The following IGFBP4 variants were observed in gnomAD, a reference collection of about 807,000 sequenced individuals.
IGFBP4 encodes the protein insulin-like growth factor-binding protein 4.
IGFBP4 carries 9 observed loss-of-function variants against 25.8 expected under a neutral mutation model. The observed-to-expected ratio is 0.35, with a 90% CI of 0.21 to 0.61. The LOEUF (loss-of-function observed/expected upper bound fraction) is 0.61, where lower values mean the gene tolerates loss of function less well. Ranked by LOEUF, IGFBP4 falls within the 20% of genes least tolerant of loss-of-function variation. IGFBP4 has a pLI of 0.77. For missense variants in IGFBP4, 315 were observed against 365.3 expected (o/e 0.86, Z 1.12); for synonymous variants, 153 against 153.9 (o/e 0.99, Z 0.05).
In IGFBP4 at chr17:40,456,671, T is replaced by A; in HGVS notation, c.*88T>A. 1 of 1,350,768 alleles carries A rather than the reference T, an allele frequency of 7.4e-7. No individual in the cohort carries two copies. Among genetic ancestry groups the A allele is most frequent in the Non-Finnish European group, 1.0e-6 (1 of 981,500 alleles). The allele number at this position is 1,350,768 out of a possible 1,614,324, so 83.7% of individuals were successfully genotyped here. Reference sequence around the variant, plus strand: ...GCTGACCCAGAGTGGAGTCTGAGTCTGAGTCCTGTCTCTGCCTGCGGCCCA... The same window carrying A: ...GCTGACCCAGAGTGGAGTCTGAGTCAGAGTCCTGTCTCTGCCTGCGGCCCA... On this transcript the variant is annotated 3_prime_UTR_variant, in exon 4 of 4. Coordinates refer to ENST00000269593, the MANE Select transcript of IGFBP4 (RefSeq NM_001552.3).
chr17:40,449,748 CAAA>C (rs569072173), intron 1 of IGFBP4, among the ~76,000 whole-genome samples: 2 of 95,434 alleles, frequency 2.1e-5, no homozygotes, highest in Non-Finnish European at 2.2e-5. Flanking sequence ...GACTCCGTCT[CAAA>C]AAAAAAAAAA....
chr17:40,454,529 G>A (rs118067749), intron 3 of IGFBP4, among the ~76,000 whole-genome samples: 193 of 152,338 alleles, frequency 1.3e-3, no homozygotes, highest in Non-Finnish European at 2.2e-3. Flanking sequence ...ACCCCTCCCT[G>A]CAAGGCGAGT....
At chr17:40,444,215 G>C (rs2035627866) in intron 1 of IGFBP4, 131 bp downstream of exon 1, 2 of 724,358 alleles carry the variant, frequency 2.8e-6, no homozygotes, top group Non-Finnish European at 4.6e-6. Flanking sequence ...GTACGTGGCA[G>C]GGCCCGACTG....
chr17:40,449,632 C>T (rs2035670879), intron 1 of IGFBP4, among the ~76,000 whole-genome samples: 1 of 151,982 alleles, frequency 6.6e-6, no homozygotes, highest in African/African-American at 2.4e-5. Flanking sequence ...GCCTGTAGTC[C>T]CAGCTACTTG....
chr17:40,447,464 G>T (rs2035655403), intron 1 of IGFBP4, among the ~76,000 whole-genome samples: 2 of 152,200 alleles, frequency 1.3e-5, no homozygotes, highest in South Asian at 2.1e-4. Flanking sequence ...AGGCAGGCTG[G>T]GTTAATTTTT....
intron 3 of IGFBP4, among the ~76,000 whole-genome samples, chr17:40,456,048 C>T (rs1449786607): frequency 2.6e-5 from 4 of 152,172 alleles, no homozygotes; most frequent in Non-Finnish European, 5.9e-5. Context: ...AGTCATATTT[C>T]CTCATTCAAC....
At chr17:40,451,907 G>A (rs2035685447) in intron 1 of IGFBP4, among the ~76,000 whole-genome samples, 1 of 152,138 alleles carries the variant, frequency 6.6e-6, no homozygotes, top group Non-Finnish European at 1.5e-5. Flanking sequence ...TGTGATCATA[G>A]CTCACTGTTA....
chr17:40,445,081 T>C (rs2035637099), intron 1 of IGFBP4, among the ~76,000 whole-genome samples: 1 of 152,190 alleles, frequency 6.6e-6, no homozygotes, highest in African/African-American at 2.4e-5. Flanking sequence ...CTTCTTTCTC[T>C]TGCTCTTTTG....
chr17:40,450,518 AT>A (rs35661038), intron 1 of IGFBP4, among the ~76,000 whole-genome samples: 22 of 149,170 alleles, frequency 1.5e-4, no homozygotes, highest in South Asian at 4.3e-4. Context: ...TAATTCTTGA[AT>A]TTTTTTTTTG....
In IGFBP4 at chr17:40,456,578, G is replaced by C. The variant is rs1400143869; in HGVS notation, c.772G>C (p.Glu258Gln). Residue 258 changes from glutamate to glutamine, a missense_variant, in exon 4 of 4, where the codon GAG becomes CAG. By Grantham distance (29) the Glu-to-Gln change is conservative. Transcript: ENST00000269593. ...DCHQLADSFR[E>Q] ...CCACCAGCTGGCTGACAGCTTTCGA[G>C]AGTGAGGCCTGCCAGCAGGCCAGGG... 6.2e-7 allele frequency: 1 copy of C among 1,612,402 alleles called. No individual in the cohort carries two copies. Among genetic ancestry groups the C allele is most frequent in the Non-Finnish European group, 8.5e-7 (1 of 1,179,580 alleles).
At chr17:40,455,764 T>G (rs1323868149) in intron 3 of IGFBP4, among the ~76,000 whole-genome samples, 1 of 152,200 alleles carries the variant, frequency 6.6e-6, no homozygotes, top group Non-Finnish European at 1.5e-5. Flanking sequence ...ATTACAGGCT[T>G]GAGCCACTAG....
At chr17:40,454,102 C>T in intron 3 of IGFBP4, 40 bp downstream of exon 3, 3 of 1,589,860 alleles carry the variant, frequency 1.9e-6, no homozygotes, top group Non-Finnish European at 2.6e-6. Flanking sequence ...CTGGACTCAG[C>T]TCTGGGGCAT....
intron 1 of IGFBP4, among the ~76,000 whole-genome samples, chr17:40,452,270 G>A (rs764495212): frequency 3.3e-5 from 5 of 152,212 alleles, no homozygotes. Context: ...GACTTTGGAT[G>A]GAGTCTGAAG....
chr17:40,444,724 G>A (rs891609427), intron 1 of IGFBP4, among the ~76,000 whole-genome samples: 1 of 152,086 alleles, frequency 6.6e-6, no homozygotes, highest in African/African-American at 2.4e-5. Context: ...TGGTATACAG[G>A]CCCCCTGTTC....
At chr17:40,454,880 T>C (rs1272381013) in intron 3 of IGFBP4, among the ~76,000 whole-genome samples, 1 of 152,176 alleles carries the variant, frequency 6.6e-6, no homozygotes, top group Non-Finnish European at 1.5e-5. Context: ...CCCTGCTCCA[T>C]GAGCTATAGA....
intron 1 of IGFBP4, among the ~76,000 whole-genome samples, chr17:40,448,541 C>T (rs572967247): frequency 1.1e-4 from 16 of 152,356 alleles, no homozygotes; most frequent in African/African-American, 3.4e-4. Flanking sequence ...GGGGAACCCA[C>T]AGGCATTGGA....
chr17:40,454,211 A>G, intron 3 of IGFBP4, 149 bp downstream of exon 3: 17 of 1,169,642 alleles, frequency 1.5e-5, no homozygotes, highest in Non-Finnish European at 2.0e-5. Flanking sequence ...AACCTACCTC[A>G]GCGTCAGAAC....
chr17:40,448,352 C>G (rs2035662648), intron 1 of IGFBP4, among the ~76,000 whole-genome samples: 2 of 152,264 alleles, frequency 1.3e-5, no homozygotes, highest in Admixed American at 1.3e-4. Flanking sequence ...CTGGCGCCTT[C>G]CCTTCCTCTG....
chr17:40,446,572 T>C (rs2035647106), intron 1 of IGFBP4, among the ~76,000 whole-genome samples: 1 of 152,122 alleles, frequency 6.6e-6, no homozygotes, highest in Non-Finnish European at 1.5e-5. Flanking sequence ...ACCAAGATTG[T>C]GCCACTGCGC....
Sources: gnomAD v4.1 joint callset for allele counts (sites outside exome capture counted in the v4.1 genomes callset) on GRCh38, gnomAD v4.1.1 for gene constraint, MANE v1.5 for transcripts, NCBI Gene and HGNC (gene_info 2026-07-23, HGNC 2026-07-21) for gene names.